SYNDIG1: variants seen among roughly 807,000 people sequenced by gnomAD.
The protein encoded by SYNDIG1 is synapse differentiation inducing 1.
A neutral mutation model predicts 19.4 loss-of-function variants in SYNDIG1; 9 were observed. The ratio of observed to expected loss-of-function variants is 0.46; its 90% CI spans 0.28 to 0.81. The LOEUF (loss-of-function observed/expected upper bound fraction) is 0.81, where lower values mean the gene tolerates loss of function less well. SYNDIG1 is among the 30% of genes least tolerant of loss of function. The probability of loss-of-function intolerance (pLI) is 0.12; values close to 1 mark genes in which losing one functional copy is unlikely to be tolerated. For synonymous variants in SYNDIG1, 141 were observed against 145.9 expected, an observed-to-expected ratio of 0.97 and a Z score of 0.24; for missense variants, 311 against 343.3, an observed-to-expected ratio of 0.91 and a Z score of 0.74.
At position 24,543,069 on chromosome 20, in the gene SYNDIG1, G is replaced by A. The variant is rs1269943932; in HGVS notation, c.-29G>A. The A allele has an allele frequency of 1.3e-6, 2 of 1,599,294 alleles. No homozygotes were observed. Among genetic ancestry groups the A allele is most frequent in the Non-Finnish European group, 1.7e-6 (2 of 1,170,004 alleles). Reference sequence around the variant, plus strand: ...TGTAACCTACATTCCCAGCCCACCAGCCTGACGCCCAGCCAGGGAGAGAGT... The same window carrying A: ...TGTAACCTACATTCCCAGCCCACCAACCTGACGCCCAGCCAGGGAGAGAGT... On this transcript the variant is annotated 5_prime_UTR_variant, in exon 2 of 4. Coordinates refer to ENST00000376862, the MANE Select transcript of SYNDIG1 (RefSeq NM_024893.3).
chr20:24,478,811 C>T (rs1387615383), intron 1 of SYNDIG1, among the ~76,000 whole-genome samples: 1 of 152,184 alleles, frequency 6.6e-6, no homozygotes, highest in African/African-American at 2.4e-5. Flanking sequence ...TCAGGGAGAA[C>T]AGAAGCCTCC....
chr20:24,536,399 A>G (rs2057362125), intron 1 of SYNDIG1, among the ~76,000 whole-genome samples: 1 of 152,128 alleles, frequency 6.6e-6, no homozygotes, highest in Non-Finnish European at 1.5e-5. Flanking sequence ...CCAAGCAAGA[A>G]AGGCCCCACT....
rs1176563767 is a variant in SYNDIG1, at chr20:24,658,820, G to T, written c.619-6526G>T. Reference sequence around the variant, plus strand: ...TCCCAGATCCATGCTGTCCAGTGTGGGACCCCCAGCCATGGGTGGCTGTTT... The same window carrying T: ...TCCCAGATCCATGCTGTCCAGTGTGTGACCCCCAGCCATGGGTGGCTGTTT... On this transcript the variant is annotated intron_variant, in intron 3 of 3. Transcript: ENST00000376862. This position sits in a 1 kb window ranked among gnomAD's most constrained non-coding sequence, Gnocchi z 4.4. Among the ~76,000 whole-genome samples the T allele has an allele frequency of 6.6e-6, 1 of 152,070 alleles. No homozygotes were observed. Among genetic ancestry groups the T allele is most frequent in the African/African-American group, 2.4e-5 (1 of 41,396 alleles).
At chr20:24,535,743 C>T (rs1341009014) in intron 1 of SYNDIG1, among the ~76,000 whole-genome samples, 1 of 152,136 alleles carries the variant, frequency 6.6e-6, no homozygotes, top group Non-Finnish European at 1.5e-5. Flanking sequence ...CAGATGATCT[C>T]GCAGAAGTGT....
chr20:24,508,297 C>T (rs1299794539), intron 1 of SYNDIG1, among the ~76,000 whole-genome samples: 1 of 124,328 alleles, frequency 8.0e-6, no homozygotes, highest in African/African-American at 3.0e-5. Context: ...GGCACAATCT[C>T]GGCTCACTGC....
At chr20:24,528,832 C>G (rs2057180869) in intron 1 of SYNDIG1, among the ~76,000 whole-genome samples, 1 of 152,192 alleles carries the variant, frequency 6.6e-6, no homozygotes, top group African/African-American at 2.4e-5. Flanking sequence ...CTAGTCCTGT[C>G]TTTAACATAC....
At chr20:24,620,770 T>C (rs1206896516) in intron 3 of SYNDIG1, among the ~76,000 whole-genome samples, 1 of 152,100 alleles carries the variant, frequency 6.6e-6, no homozygotes, top group Non-Finnish European at 1.5e-5. Flanking sequence ...ACATAACGTA[T>C]TTGTATTAAT....
At chr20:24,618,705 A>G (rs183757788) in intron 3 of SYNDIG1, among the ~76,000 whole-genome samples, 42 of 152,196 alleles carry the variant, frequency 2.8e-4, no homozygotes, top group African/African-American at 9.6e-4. Context: ...TATTAAAGTT[A>G]ATGGAGTATT....
At chr20:24,585,080 C>A in intron 3 of SYNDIG1, 87 bp downstream of exon 3, 1 of 1,505,080 alleles carries the variant, frequency 6.6e-7, no homozygotes, top group Non-Finnish European at 9.0e-7. Context: ...GGAGGAGAAG[C>A]AAGGAAGCCC....
chr20:24,528,005 G>A (rs189879013), intron 1 of SYNDIG1, among the ~76,000 whole-genome samples: 1 of 152,276 alleles, frequency 6.6e-6, no homozygotes, highest in Admixed American at 6.5e-5. Context: ...TACTGTTACT[G>A]TTGATGCCTA....
chr20:24,496,005 T>C (rs1377086526), intron 1 of SYNDIG1, among the ~76,000 whole-genome samples: 1 of 151,974 alleles, frequency 6.6e-6, no homozygotes, highest in Admixed American at 6.6e-5. Context: ...CCACCACGCC[T>C]GGCTAATTTT....
chr20:24,584,395 A>T (rs1442277898), intron 2 of SYNDIG1, among the ~76,000 whole-genome samples: 1 of 152,212 alleles, frequency 6.6e-6, no homozygotes, highest in Non-Finnish European at 1.5e-5. Context: ...CGCCTGGACT[A>T]TGCCTTCTGA....
At chr20:24,471,050 G>GTATC (rs1388946148) in intron 1 of SYNDIG1, among the ~76,000 whole-genome samples, 1 of 152,130 alleles carries the variant, frequency 6.6e-6, no homozygotes, top group Non-Finnish European at 1.5e-5. Flanking sequence ...GCGAGTCCGT[G>GTATC]TATCTGTCCG....
At chr20:24,636,816 ATC>A (rs2059320898) in intron 3 of SYNDIG1, among the ~76,000 whole-genome samples, 1 of 152,210 alleles carries the variant, frequency 6.6e-6, no homozygotes, top group African/African-American at 2.4e-5. Flanking sequence ...TAAAAGGAAA[ATC>A]TTACCAAGGA....
Position 24,658,612 on chromosome 20 carries a change from C to A in SYNDIG1, c.619-6734C>A, listed in dbSNP as rs1159994681. Reference sequence around the variant, plus strand: ...ATCGAACCGTGTGGAGTATGACCCCCCACCCCCACCCCCCGGCGATTCACT... The same window carrying A: ...ATCGAACCGTGTGGAGTATGACCCCACACCCCCACCCCCCGGCGATTCACT... On this transcript the variant is annotated intron_variant, in intron 3 of 3. Coordinates refer to ENST00000376862, the MANE Select transcript of SYNDIG1 (RefSeq NM_024893.3). The surrounding 1 kb of genome is among the most constrained non-coding windows in gnomAD (Gnocchi z 4.4). 6.6e-6 allele frequency among the ~76,000 whole-genome samples: 1 copy of A among 151,856 alleles called. No homozygotes were observed. The highest frequency in any genetic ancestry group is 1.5e-5 in the Non-Finnish European group (1 of 67,958).
chr20:24,495,070 G>A (rs2056262209), intron 1 of SYNDIG1, among the ~76,000 whole-genome samples: 1 of 152,216 alleles, frequency 6.6e-6, no homozygotes, highest in African/African-American at 2.4e-5. Flanking sequence ...ATTGACAGCT[G>A]TATTTATTAT....
At chr20:24,659,672 G>C (rs2059564482) in intron 3 of SYNDIG1, among the ~76,000 whole-genome samples, 1 of 152,218 alleles carries the variant, frequency 6.6e-6, no homozygotes, top group Non-Finnish European at 1.5e-5. Flanking sequence ...CAAAATCAGG[G>C]AGAGGTGGGG....
chr20:24,581,896 C>T (rs933723864), intron 2 of SYNDIG1, among the ~76,000 whole-genome samples: 2 of 150,594 alleles, frequency 1.3e-5, no homozygotes, highest in South Asian at 4.2e-4. Context: ...ACTGCACAGC[C>T]TCCTCCCTTC....
At chr20:24,512,941 A>T (rs2056781379) in intron 1 of SYNDIG1, among the ~76,000 whole-genome samples, 1 of 152,022 alleles carries the variant, frequency 6.6e-6, no homozygotes, top group Non-Finnish European at 1.5e-5. Context: ...CCAGAGGAAC[A>T]ATCAGGAAGC....
Sources: allele counts gnomAD v4.1 joint callset (sites outside exome capture counted in the v4.1 genomes callset), GRCh38; gene constraint gnomAD v4.1.1; non-coding constraint Gnocchi (gnomAD v3.1); transcripts MANE v1.5; gene names NCBI Gene and HGNC (gene_info 2026-07-23, HGNC 2026-07-21).